The following MTF1 variants were observed in gnomAD, a reference collection of about 807,000 sequenced individuals.
The protein encoded by MTF1 is metal regulatory transcription factor 1, also known as MRE-binding transcription factor.
MTF1 carries 22 observed loss-of-function variants against 70.4 expected under a neutral mutation model. That is an observed-to-expected ratio of 0.31 (90% CI 0.22 to 0.45). The LOEUF (loss-of-function observed/expected upper bound fraction) is 0.45. Among genes scored for constraint, MTF1 ranks in the 20% least tolerant of loss-of-function variants. The pLI, the probability that MTF1 is intolerant of heterozygous loss-of-function variation, is 1.00. For synonymous variants in MTF1, 333 were observed against 352.8 expected (o/e 0.94, Z 0.63); for missense variants, 649 against 922.0 (o/e 0.70, Z 3.83).
intron 2 of MTF1, among the ~76,000 whole-genome samples, chr1:37,855,461 AG>A (rs1159474585): frequency 6.6e-6 from 1 of 152,196 alleles, no homozygotes; most frequent in Non-Finnish European, 1.5e-5. Flanking sequence ...TGCATAGGGT[AG>A]GAGGTGGGAC....
chr1:37,826,672 G>A (rs1291275259), intron 7 of MTF1: 1 of 429,866 alleles, frequency 2.3e-6, no homozygotes, highest in Non-Finnish European at 4.6e-6. Context: ...CAATATGATA[G>A]AAGGTGAAGT....
chr1:37,848,397 A>C (rs114995741), intron 2 of MTF1, among the ~76,000 whole-genome samples: 1,763 of 152,368 alleles, frequency 0.012, 35 homozygotes, highest in African/African-American at 0.041. Context: ...CATAGCTAGT[A>C]CATAACAGAA....
chr1:37,842,010 T>C (rs900481753), intron 2 of MTF1, among the ~76,000 whole-genome samples: 28 of 150,932 alleles, frequency 1.9e-4, no homozygotes, highest in Non-Finnish European at 3.2e-4. Context: ...TCCAGCTTGG[T>C]AGACAGAACC....
chr1:37,857,263 T>C lies in MTF1; in HGVS notation c.396A>G (p.Thr132=). Residue 132 remains threonine (T), a synonymous_variant, in exon 2 of 11, where the codon ACA becomes ACG. Transcript: ENST00000373036. ...CTGCTTTACTTACTTCTTTACGTTT[T>C]GTTTCCGGACATTCCGACTGCAGAG... ...TLTLQSECPE[T]KRKEVKRYQC... is the part of the protein sequence containing the mutation. The C allele has an allele frequency of 6.2e-7, 1 of 1,610,628 alleles. No individual in the cohort carries two copies. The highest frequency in any genetic ancestry group is 8.5e-7 in the Non-Finnish European group (1 of 1,176,960).
At chr1:37,822,754 C>G (rs778661425) in intron 8 of MTF1, 38 bp from the exon 9 acceptor site, 23 of 1,474,618 alleles carry the variant, frequency 1.6e-5, no homozygotes, top group Non-Finnish European at 2.1e-5. Context: ...TATACATATC[C>G]CAAGCCTTAG....
intron 7 of MTF1, among the ~76,000 whole-genome samples, chr1:37,829,512 G>T (rs1239395425): frequency 1.3e-5 from 2 of 151,748 alleles, no homozygotes; most frequent in Non-Finnish European, 2.9e-5. Context: ...GCCGGGCGCG[G>T]TGGCTCACAC....
chr1:37,823,720 A>G lies in MTF1; in HGVS notation c.1161T>C (p.Pro387=). ...GTCCGTGTGACAAACCTGTCTGTTG[A>G]GGATCTTCCTGAATTGCCGTATCAT... ...NSDDTAIQED[P]QQTASLTESF... Residue 387 remains proline, a synonymous_variant, in exon 8 of 11, where the codon CCT becomes CCC. Coordinates refer to ENST00000373036, the MANE Select transcript of MTF1 (RefSeq NM_005955.3). 6.2e-7 allele frequency: 1 copy of G among 1,612,944 alleles called. No homozygotes were observed. The highest frequency in any genetic ancestry group is 8.5e-7 in the Non-Finnish European group (1 of 1,178,942).
Position 37,813,432 on chromosome 1 carries a change from G to C in MTF1, c.*1704C>G, listed in dbSNP as rs181966835. ...CTGTCCCTGAACATCCTTGCTAAAG[G>C]CAGGGAGGGCCTCTGGCTCCAAGGT... On this transcript the variant is annotated 3_prime_UTR_variant, in exon 11 of 11. Coordinates refer to ENST00000373036, the MANE Select transcript of MTF1 (RefSeq NM_005955.3). 2.0e-5 allele frequency: 3 copies of C among 152,348 alleles called. No individual in the cohort carries two copies. The highest frequency in any genetic ancestry group is 1.3e-4 in the Admixed American group (2 of 15,308). 9.4% of individuals were successfully genotyped at this position (152,348 alleles called of 1,614,324 possible). A position where few individuals can be genotyped will look rare whatever the true frequency, so the allele number is the denominator to read the frequency against.
intron 2 of MTF1, among the ~76,000 whole-genome samples, chr1:37,856,890 C>A (rs1291469565): frequency 6.6e-6 from 1 of 152,178 alleles, no homozygotes; most frequent in Non-Finnish European, 1.5e-5. Context: ...AGGAGATAAG[C>A]CAAATATAGT....
At chr1:37,833,433 G>A (rs914585740) in intron 6 of MTF1, among the ~76,000 whole-genome samples, 85 of 152,288 alleles carry the variant, frequency 5.6e-4, no homozygotes, top group Middle Eastern at 3.4e-3. Context: ...AAATTCCACT[G>A]CCCAGACTAA....
intron 2 of MTF1, among the ~76,000 whole-genome samples, chr1:37,852,016 C>CT (rs1020141120): frequency 5.6e-4 from 86 of 152,284 alleles, no homozygotes; most frequent in African/African-American, 2.0e-3. Context: ...CAACTAAAGG[C>CT]TTCTTCGGGG....
intron 7 of MTF1, chr1:37,826,464 TTA>T: frequency 2.5e-6 from 1 of 393,592 alleles, no homozygotes; most frequent in South Asian, 1.8e-5. Flanking sequence ...AAAATTATTT[TTA>T]GTAGAGATAA....
chr1:37,828,322 G>A (rs1265621834), intron 7 of MTF1: 1 of 380,058 alleles, frequency 2.6e-6, no homozygotes, highest in Non-Finnish European at 5.1e-6. Flanking sequence ...CTTTTGTTCT[G>A]AGACAGAGTT....
chr1:37,839,844 C>T (rs903354824), intron 3 of MTF1, 76 bp downstream of exon 3: 1 of 1,202,800 alleles, frequency 8.3e-7, no homozygotes, highest in African/African-American at 1.5e-5. Context: ...AACAACTCCT[C>T]TGCAAGGGGA....
intron 1 of MTF1, among the ~76,000 whole-genome samples, chr1:37,859,024 T>C (rs903005209): frequency 3.9e-5 from 6 of 152,218 alleles, no homozygotes; most frequent in Non-Finnish European, 8.8e-5. Context: ...GGCCAAAGGA[T>C]TGGATCCGGG....
intron 2 of MTF1, among the ~76,000 whole-genome samples, chr1:37,847,332 C>G (rs770646328): frequency 2.0e-5 from 3 of 152,174 alleles, no homozygotes; most frequent in Non-Finnish European, 2.9e-5. Context: ...CTACCAGTTG[C>G]TAGTTGTGTG....
chr1:37,841,035 C>A, intron 2 of MTF1: 1 of 214,938 alleles, frequency 4.7e-6, no homozygotes, highest in South Asian at 6.5e-5. Flanking sequence ...AAGATCAAGT[C>A]CCTGGAGAAG....
rs759826026 is a variant in MTF1 at position 37,822,718 on chromosome 1, T to C, written c.1172-2A>G. ...CATTAAAACTTTCAGTCAAGGAAGC[T>C]GGCAAGAAAAAGAAATAGAAATATA... On this transcript the variant is annotated splice_acceptor_variant, in intron 8 of 10. Coordinates refer to ENST00000373036, the MANE Select transcript of MTF1 (RefSeq NM_005955.3). LOFTEE classifies it high-confidence loss of function. 1.2e-6 allele frequency: 2 copies of C among 1,601,788 alleles called. No homozygotes were observed. Among genetic ancestry groups the C allele is most frequent in the Admixed American group, 1.7e-5 (1 of 59,748 alleles).
rs201684280 is a variant in MTF1 at position 37,823,755 on chromosome 1, G to C, written c.1126C>G (p.Gln376Glu). 1 of 1,614,036 alleles carries C rather than the reference G, an allele frequency of 6.2e-7. No individual in the cohort carries two copies. Among genetic ancestry groups the C allele is most frequent in the East Asian group, 2.2e-5 (1 of 44,868 alleles). The change falls in exon 8 of 11, where the codon CAG becomes GAG. Residue 376 changes from glutamine to glutamate, a missense_variant. Transcript: ENST00000373036. Reference protein sequence around the residue: ...SPAIIFESMFQNSDDTAIQED... With the variant: ...SPAIIFESMFENSDDTAIQED... ...TGAATTGCCGTATCATCTGAATTCT[G>C]GAACATTGATTCAAAGATGATTGCT...
Sources: gnomAD v4.1 joint callset for allele counts (sites outside exome capture counted in the v4.1 genomes callset) on GRCh38, gnomAD v4.1.1 for gene constraint, MANE v1.5 for transcripts, NCBI Gene and HGNC (gene_info 2026-07-23, HGNC 2026-07-21) for gene names.